The following CACNG2 variants were observed in gnomAD, a reference collection of about 807,000 sequenced individuals.
The protein encoded by CACNG2 is voltage-dependent calcium channel gamma-2 subunit.
CACNG2 carries 3 observed loss-of-function variants against 25.9 expected under a neutral mutation model. The observed-to-expected ratio is 0.12, with a 90% CI of 0.05 to 0.30. The LOEUF (loss-of-function observed/expected upper bound fraction) is 0.30, where lower values mean the gene tolerates loss of function less well. CACNG2 is among the 10% of genes least tolerant of loss of function. The probability of loss-of-function intolerance (pLI) is 1.00; values close to 1 mark genes in which losing one functional copy is unlikely to be tolerated. For missense variants in CACNG2, 341 were observed against 432.5 expected (o/e 0.79, Z 1.88); for synonymous variants, 167 against 173.3 (o/e 0.96, Z 0.29).
At chr22:36,587,605 G>C in intron 1 of CACNG2, 57 bp from the exon 2 acceptor site, 3 of 1,204,684 alleles carry the variant, frequency 2.5e-6, no homozygotes, top group Non-Finnish European at 3.7e-6. Context: ...GGGCGCTTAG[G>C]GCCCACCTGC....
At chr22:36,643,706 C>A (rs1936478097) in intron 1 of CACNG2, among the ~76,000 whole-genome samples, 1 of 152,102 alleles carries the variant, frequency 6.6e-6, no homozygotes, top group Non-Finnish European at 1.5e-5. Flanking sequence ...CCCTGACAGC[C>A]AAAGCAGAGA....
intron 2 of CACNG2, among the ~76,000 whole-genome samples, chr22:36,568,807 G>T (rs1221971204): frequency 1.3e-5 from 2 of 152,052 alleles, no homozygotes; most frequent in Non-Finnish European, 2.9e-5. Context: ...GGTTATTTGG[G>T]GGGGACCTGA....
At chr22:36,650,455 C>T (rs1936593459) in intron 1 of CACNG2, among the ~76,000 whole-genome samples, 2 of 152,066 alleles carry the variant, frequency 1.3e-5, no homozygotes, top group South Asian at 2.1e-4. Context: ...ACTGTAGCCT[C>T]GACCTCCCAA....
chr22:36,580,109 A>C (rs527889908), intron 2 of CACNG2, among the ~76,000 whole-genome samples: 1 of 152,222 alleles, frequency 6.6e-6, no homozygotes, highest in East Asian at 1.9e-4. Context: ...CTTAATCCTC[A>C]TGGCAATGCT....
At chr22:36,571,604 C>G (rs1000919292) in intron 2 of CACNG2, among the ~76,000 whole-genome samples, 2 of 150,344 alleles carry the variant, frequency 1.3e-5, no homozygotes, top group African/African-American at 4.9e-5. Context: ...GGGCTGGGCT[C>G]GGTGGCTCAC....
intron 2 of CACNG2, among the ~76,000 whole-genome samples, chr22:36,570,481 C>A (rs754530107): frequency 6.6e-6 from 1 of 152,146 alleles, no homozygotes; most frequent in Non-Finnish European, 1.5e-5. Context: ...GGCAACAGGC[C>A]GGGCGCGGTG....
At chr22:36,639,589 C>T (rs1936411471) in intron 1 of CACNG2, among the ~76,000 whole-genome samples, 1 of 152,232 alleles carries the variant, frequency 6.6e-6, no homozygotes, top group Admixed American at 6.5e-5. Flanking sequence ...TCCACTCCTC[C>T]TCCCTGTGTC....
chr22:36,575,133 G>A (rs574214343), intron 2 of CACNG2, among the ~76,000 whole-genome samples: 5 of 152,306 alleles, frequency 3.3e-5, no homozygotes, highest in Admixed American at 2.6e-4. Flanking sequence ...TCCTAACTCC[G>A]TCTACCTTAC....
In CACNG2 at chr22:36,680,377, A is replaced by C. The variant is rs1937092290; in HGVS notation, c.211+21989T>G. ...CACCATCATCACCATCATCACCATT[A>C]CCACCACCATCACTGCCACCATCAC... On this transcript the variant is annotated intron_variant, in intron 1 of 3. Coordinates refer to ENST00000300105, the MANE Select transcript of CACNG2 (RefSeq NM_006078.5). 1.4e-5 allele frequency among the ~76,000 whole-genome samples: 2 copies of C among 144,224 alleles called. 1 individual carries two copies. Among genetic ancestry groups the C allele is most frequent in the South Asian group, 4.6e-4 (2 of 4,378 alleles). The allele number at this position is 144,224 out of a possible 152,430, so 94.6% of individuals were successfully genotyped here. A position where few individuals can be genotyped will look rare whatever the true frequency, so the allele number is the denominator to read the frequency against.
At chr22:36,680,441 CCACCAT>C (rs1242106475) in intron 1 of CACNG2, among the ~76,000 whole-genome samples, 4 of 150,582 alleles carry the variant, frequency 2.7e-5, no homozygotes, top group Non-Finnish European at 5.9e-5. Context: ...ACCACCATCA[CCACCAT>C]CACCATCACC....
At chr22:36,638,568 C>T (rs1936394515) in intron 1 of CACNG2, among the ~76,000 whole-genome samples, 1 of 152,170 alleles carries the variant, frequency 6.6e-6, no homozygotes, top group Non-Finnish European at 1.5e-5. Context: ...TTCCATTCAA[C>T]CTTAAGTATT....
At chr22:36,630,720 T>C (rs558969200) in intron 1 of CACNG2, among the ~76,000 whole-genome samples, 142 of 151,632 alleles carry the variant, frequency 9.4e-4, no homozygotes, top group Non-Finnish European at 1.4e-3. Flanking sequence ...CATGGAAGGA[T>C]GTGGTGGGAA....
chr22:36,568,400 ATTTATT>A (rs1262357942), intron 2 of CACNG2, among the ~76,000 whole-genome samples: 2 of 151,634 alleles, frequency 1.3e-5, no homozygotes, highest in East Asian at 1.9e-4. Flanking sequence ...CTTTTTTAAA[ATTTATT>A]TTTATTTTTA....
intron 2 of CACNG2, among the ~76,000 whole-genome samples, chr22:36,575,743 A>G (rs1018545257): frequency 2.0e-5 from 3 of 152,178 alleles, no homozygotes; most frequent in African/African-American, 7.2e-5. Flanking sequence ...CAGCCAGGCC[A>G]TGCTGCTGCC....
intron 1 of CACNG2, among the ~76,000 whole-genome samples, chr22:36,671,466 G>A (rs186452925): frequency 1.3e-3 from 203 of 152,246 alleles, no homozygotes; most frequent in Non-Finnish European, 2.5e-3. Context: ...ATTGGTATGT[G>A]CTTGATGAGG....
At chr22:36,699,716 C>T (rs997837337) in intron 1 of CACNG2, among the ~76,000 whole-genome samples, 3 of 152,042 alleles carry the variant, frequency 2.0e-5, no homozygotes, top group African/African-American at 7.2e-5. Flanking sequence ...TTGGGGGAAC[C>T]TCAAGCACTG....
intron 1 of CACNG2, among the ~76,000 whole-genome samples, chr22:36,644,700 T>A (rs1468873535): frequency 2.6e-5 from 4 of 152,198 alleles, no homozygotes; most frequent in Admixed American, 6.5e-5. Context: ...ATAATAATAA[T>A]AAAAAATAAT....
chr22:36,698,944 C>T (rs956561675), intron 1 of CACNG2, among the ~76,000 whole-genome samples: 5 of 152,064 alleles, frequency 3.3e-5, no homozygotes, highest in African/African-American at 7.2e-5. Context: ...TCCCTGGAGA[C>T]GATGTTTCCT....
intron 1 of CACNG2, among the ~76,000 whole-genome samples, chr22:36,669,871 C>T (rs1430416807): frequency 6.6e-6 from 1 of 152,072 alleles, no homozygotes. Flanking sequence ...CAACACCACG[C>T]CCAGTGAATT....
Sources: gnomAD v4.1 joint callset for allele counts (sites outside exome capture counted in the v4.1 genomes callset) on GRCh38, gnomAD v4.1.1 for gene constraint, MANE v1.5 for transcripts, NCBI Gene and HGNC (gene_info 2026-07-23, HGNC 2026-07-21) for gene names.